SLC9C1: variants seen among roughly 807,000 people sequenced by gnomAD.
The protein encoded by SLC9C1 is solute carrier family 9 member C1, also known as sodium/hydrogen exchanger 10.
In SLC9C1, 97 loss-of-function variants were observed where a neutral mutation model predicts 140.9. That is an observed-to-expected ratio of 0.69 (90% CI 0.58 to 0.82). The LOEUF (loss-of-function observed/expected upper bound fraction) is 0.82. Ranked by LOEUF, SLC9C1 falls within the 40% of genes least tolerant of loss-of-function variation. The pLI, the probability that SLC9C1 is intolerant of heterozygous loss-of-function variation, is 0.00. For synonymous variants in SLC9C1, 440 were observed against 442.6 expected (o/e 0.99, Z 0.07); for missense variants, 1,340 against 1,389.3 (o/e 0.96, Z 0.56).
chr3:112,213,182 G>T (rs1447266161), intron 15 of SLC9C1, among the ~76,000 whole-genome samples: 1 of 152,162 alleles, frequency 6.6e-6, no homozygotes, highest in Non-Finnish European at 1.5e-5. Context: ...CACCAGGCCT[G>T]CCCTACAAGA....
chr3:112,269,257 G>A (rs11926649), intron 7 of SLC9C1, among the ~76,000 whole-genome samples: 44,987 of 151,870 alleles, frequency 0.3, 7,217 homozygotes, highest in East Asian at 0.42. Flanking sequence ...CTACAGGCAT[G>A]TGCCACCACA....
intron 15 of SLC9C1, among the ~76,000 whole-genome samples, chr3:112,216,234 A>G (rs1209117939): frequency 6.6e-6 from 1 of 152,196 alleles, no homozygotes; most frequent in Non-Finnish European, 1.5e-5. Context: ...TAAATGTTAG[A>G]CCTAAAACCA....
intron 20 of SLC9C1, chr3:112,185,597 C>A: frequency 6.2e-7 from 1 of 1,602,380 alleles, no homozygotes; most frequent in South Asian, 1.1e-5. Flanking sequence ...CCAGGGCTCG[C>A]CCGAAGCCCT....
intron 15 of SLC9C1, among the ~76,000 whole-genome samples, chr3:112,213,696 G>C (rs111363832): frequency 0.054 from 8,267 of 152,228 alleles, 269 homozygotes; most frequent in South Asian, 0.089. Context: ...GGAGCACCCA[G>C]ATTCATAAAG....
chr3:112,210,688 T>C (rs2078177608), intron 15 of SLC9C1, among the ~76,000 whole-genome samples: 1 of 152,208 alleles, frequency 6.6e-6, no homozygotes, highest in Non-Finnish European at 1.5e-5. Context: ...ATTCCTATCC[T>C]TTTTATTCTT....
chr3:112,249,902 G>A (rs913548337), intron 10 of SLC9C1, among the ~76,000 whole-genome samples: 3 of 151,818 alleles, frequency 2.0e-5, no homozygotes, highest in Admixed American at 1.3e-4. Flanking sequence ...TGGTTTCATC[G>A]ATGTTTTCTA....
At position 112,231,502 on chromosome 3, in the gene SLC9C1, A is replaced by G. The variant is rs1338215595; in HGVS notation, c.1447-16T>C. On this transcript the variant is annotated splice_polypyrimidine_tract_variant and intron_variant, in intron 12 of 28. Transcript: ENST00000305815. ...CTTCGTTCAACTAAATAAAACATAA[A>G]TAAAAGAACAAAAAATACATGAATA... 6.3e-7 allele frequency: 1 copy of G among 1,587,016 alleles called. No individual in the cohort carries two copies. Among genetic ancestry groups the G allele is most frequent in the Admixed American group, 1.8e-5 (1 of 56,652 alleles).
intron 23 of SLC9C1, among the ~76,000 whole-genome samples, chr3:112,173,815 G>C (rs1220322012): frequency 6.6e-6 from 1 of 152,192 alleles, no homozygotes; most frequent in Non-Finnish European, 1.5e-5. Context: ...AAATTGTTGG[G>C]TTGAATGGTA....
At chr3:112,155,106 C>A in intron 26 of SLC9C1, 57 bp from the exon 27 acceptor site, 1 of 1,424,114 alleles carries the variant, frequency 7.0e-7, no homozygotes, top group African/African-American at 1.4e-5. Flanking sequence ...GTGACTATTT[C>A]TATTAGTCCA....
At position 112,189,617 on chromosome 3, in the gene SLC9C1, A is replaced by G. The variant is rs377744922; in HGVS notation, c.2524-7359T>C. Among the ~76,000 whole-genome samples the G allele has an allele frequency of 1.2e-3, 180 of 152,142 alleles. 6 individuals carry two copies. In the South Asian group the frequency reaches 0.019, roughly 16 times the overall value. ...CTCTCTGTTTTGGTACCAGTACCATACTGTTTTGGTTACTGTAGCCTTGTA... is the reference window on the plus strand; with the variant it reads ...CTCTCTGTTTTGGTACCAGTACCATGCTGTTTTGGTTACTGTAGCCTTGTA... On this transcript the variant is annotated intron_variant, in intron 20 of 28. Transcript: ENST00000305815.
intron 11 of SLC9C1, among the ~76,000 whole-genome samples, chr3:112,240,642 C>A (rs994621365): frequency 6.6e-6 from 1 of 152,176 alleles, no homozygotes; most frequent in African/African-American, 2.4e-5. Flanking sequence ...GGAACTTGTA[C>A]CATTGGCTCT....
rs1224124771 is a variant in SLC9C1 at position 112,168,992 on chromosome 3, G to C, written c.3122C>G (p.Thr1041Ser). The change falls in exon 25 of 29, where the codon ACT (threonine) becomes AGT (serine). Residue 1041 changes from threonine (T) to serine (S), a missense_variant. Coordinates refer to ENST00000305815, the MANE Select transcript of SLC9C1 (RefSeq NM_183061.3). ...GATTAGATTTTCATCATAAATATCA[G>C]TTTTGGTACTCATTGGTATATCTAC... Reference protein sequence around the residue: ...YVVDIPMSTKTDIYDENLIYV... With the variant: ...YVVDIPMSTKSDIYDENLIYV... 2 of 1,611,840 alleles carry C rather than the reference G, an allele frequency of 1.2e-6. No individual in the cohort carries two copies. The highest frequency in any genetic ancestry group is 1.1e-5 in the South Asian group (1 of 90,458).
At chr3:112,206,664 TA>T (rs2078059752) in intron 16 of SLC9C1, among the ~76,000 whole-genome samples, 2 of 151,928 alleles carry the variant, frequency 1.3e-5, no homozygotes, top group African/African-American at 4.8e-5. Context: ...TACGCAGCCA[TA>T]AAAAAGGATG....
At chr3:112,291,817 C>T (rs1023628901) in intron 1 of SLC9C1, among the ~76,000 whole-genome samples, 5 of 152,148 alleles carry the variant, frequency 3.3e-5, no homozygotes, top group African/African-American at 4.8e-5. Context: ...CATATGCATG[C>T]GTACATTCAT....
Position 112,202,257 on chromosome 3 carries a change from A to G in SLC9C1, c.2315T>C (p.Ile772Thr). 1 of 1,609,546 alleles carries G rather than the reference A, an allele frequency of 6.2e-7. No individual in the cohort carries two copies. The highest frequency in any genetic ancestry group is 8.5e-7 in the Non-Finnish European group (1 of 1,178,404). ...IIDQITSSKQ[I>T]KQMLLKQVIR... ...GATTTAAGGTTTTCTTACCTGTTTA[A>G]TCTGTTTAGAACTTGTAATCTGATC... is the stretch of plus-strand genomic sequence containing the variant. Residue 772 changes from isoleucine to threonine, a missense_variant, in exon 18 of 29, where the codon ATT (isoleucine) becomes ACT (threonine). By Grantham distance (89) the Ile-to-Thr change is moderately conservative (BLOSUM62 -1). Coordinates refer to ENST00000305815, the MANE Select transcript of SLC9C1 (RefSeq NM_183061.3).
At chr3:112,276,576 T>C (rs2080220732) in intron 5 of SLC9C1, among the ~76,000 whole-genome samples, 1 of 152,030 alleles carries the variant, frequency 6.6e-6, no homozygotes. Flanking sequence ...GGACAAAATT[T>C]ATGAAAATAA....
intron 26 of SLC9C1, among the ~76,000 whole-genome samples, chr3:112,155,383 A>T (rs552978015): frequency 6.6e-6 from 1 of 152,180 alleles, no homozygotes; most frequent in Admixed American, 6.6e-5. Flanking sequence ...AAAGCAAAAG[A>T]ATTAAGATCC....
At position 112,153,709 on chromosome 3, in the gene SLC9C1, G is replaced by T. The variant is rs150097220; in HGVS notation, c.3417+1288C>A. On this transcript the variant is annotated intron_variant, in intron 27 of 28. Coordinates refer to ENST00000305815, the MANE Select transcript of SLC9C1 (RefSeq NM_183061.3). ...GTATTGCTATTATCACTCTTTTATA[G>T]ATGAAAAAATGATGCTTATGTAGGT... is the stretch of plus-strand genomic sequence containing the variant. Among the ~76,000 whole-genome samples, 89 of 152,194 alleles carry T rather than the reference G, an allele frequency of 5.8e-4. No homozygotes were observed. The Middle Eastern group carries it at 0.01, about 17-fold the overall frequency.
At chr3:112,240,347 A>G (rs2079107932) in intron 11 of SLC9C1, among the ~76,000 whole-genome samples, 1 of 152,228 alleles carries the variant, frequency 6.6e-6, no homozygotes, top group African/African-American at 2.4e-5. Flanking sequence ...GAAACAAAGA[A>G]ACAGAGGTAT....
Sources: gnomAD v4.1 joint callset for allele counts (sites outside exome capture counted in the v4.1 genomes callset) on GRCh38, gnomAD v4.1.1 for gene constraint, MANE v1.5 for transcripts, NCBI Gene and HGNC (gene_info 2026-07-23, HGNC 2026-07-21) for gene names.